The following NKAIN3 variants were observed in gnomAD, a reference collection of about 807,000 sequenced individuals.
NKAIN3 encodes the protein sodium/potassium transporting ATPase interacting 3.
In NKAIN3, 25 loss-of-function variants were observed where a neutral mutation model predicts 30.2. That is an observed-to-expected ratio of 0.83 (90% CI 0.60 to 1.16). The LOEUF (loss-of-function observed/expected upper bound fraction) is 1.16. Among genes scored for constraint, NKAIN3 ranks in the 50% most tolerant of loss-of-function variants. The probability of loss-of-function intolerance (pLI) is 0.00; values close to 1 mark genes in which losing one functional copy is unlikely to be tolerated. For missense variants in NKAIN3, 225 were observed against 254.1 expected (o/e 0.89, Z 0.78); for synonymous variants, 91 against 89.6 (o/e 1.02, Z -0.09).
intron 3 of NKAIN3, among the ~76,000 whole-genome samples, chr8:62,664,624 A>G (rs1290573342): frequency 6.6e-6 from 1 of 152,146 alleles, no homozygotes; most frequent in Non-Finnish European, 1.5e-5. Flanking sequence ...AGGCACTCTC[A>G]GTCTACTGTA....
intron 1 of NKAIN3, among the ~76,000 whole-genome samples, chr8:62,332,889 T>C (rs1585690487): frequency 6.6e-6 from 1 of 151,982 alleles, no homozygotes. Flanking sequence ...TAGCTAGGCA[T>C]TTTGGCATGG....
chr8:62,758,652 A>C (rs1408328831), intron 4 of NKAIN3, among the ~76,000 whole-genome samples: 1 of 152,208 alleles, frequency 6.6e-6, no homozygotes, highest in Admixed American at 6.6e-5. Flanking sequence ...ATGAGTTCAG[A>C]GCTGGGTTGA....
At chr8:62,497,955 T>A (rs1358204871) in intron 1 of NKAIN3, among the ~76,000 whole-genome samples, 2 of 152,100 alleles carry the variant, frequency 1.3e-5, no homozygotes, top group Non-Finnish European at 2.9e-5. Context: ...TGGCTAACCT[T>A]CATGGATTCA....
chr8:62,264,866 C>T (rs1159448193), intron 1 of NKAIN3, among the ~76,000 whole-genome samples: 1 of 152,150 alleles, frequency 6.6e-6, no homozygotes, highest in Non-Finnish European at 1.5e-5. Flanking sequence ...CACCATGAAT[C>T]TTTCTCACTA....
intron 1 of NKAIN3, among the ~76,000 whole-genome samples, chr8:62,320,388 G>C (rs1389531027): frequency 6.6e-6 from 1 of 152,036 alleles, no homozygotes; most frequent in African/African-American, 2.4e-5. Flanking sequence ...ATGTTAGCTG[G>C]TTATTTTGCT....
At chr8:62,717,737 T>G (rs1310813478) in intron 3 of NKAIN3, among the ~76,000 whole-genome samples, 1 of 152,212 alleles carries the variant, frequency 6.6e-6, no homozygotes, top group Admixed American at 6.5e-5. Flanking sequence ...CTTTTTAATT[T>G]ACTAGACAAT....
intron 4 of NKAIN3, among the ~76,000 whole-genome samples, chr8:62,881,334 A>G (rs188914599): frequency 2.0e-5 from 3 of 152,152 alleles, no homozygotes; most frequent in South Asian, 4.1e-4. Flanking sequence ...TTCTTTTACT[A>G]TACTCATATT....
chr8:62,703,360 AT>A (rs1006484268), intron 3 of NKAIN3, among the ~76,000 whole-genome samples: 2 of 152,118 alleles, frequency 1.3e-5, no homozygotes, highest in African/African-American at 4.8e-5. Context: ...TCAACAGAAC[AT>A]TTTAGCAAGA....
intron 5 of NKAIN3, among the ~76,000 whole-genome samples, chr8:62,924,370 C>T (rs1822374673): frequency 6.6e-6 from 1 of 152,212 alleles, no homozygotes. Flanking sequence ...TTTAACACAA[C>T]TGTAATTTTT....
chr8:62,325,926 T>A (rs1815105580), intron 1 of NKAIN3, among the ~76,000 whole-genome samples: 1 of 152,052 alleles, frequency 6.6e-6, no homozygotes, highest in African/African-American at 2.4e-5. Context: ...GATGCGTGGT[T>A]TGCAAAAATT....
chr8:62,276,794 T>C (rs1812978992), intron 1 of NKAIN3, among the ~76,000 whole-genome samples: 1 of 152,214 alleles, frequency 6.6e-6, no homozygotes, highest in Non-Finnish European at 1.5e-5. Context: ...AATACATTTT[T>C]TGGTAGGAAT....
chr8:62,705,291 T>G (rs1222184786), intron 3 of NKAIN3, among the ~76,000 whole-genome samples: 1 of 152,192 alleles, frequency 6.6e-6, no homozygotes, highest in Non-Finnish European at 1.5e-5. Context: ...CAGAGTTTAG[T>G]CTTTCATATT....
chr8:62,959,822 G>C (rs1404520029), intron 6 of NKAIN3, among the ~76,000 whole-genome samples: 4 of 152,158 alleles, frequency 2.6e-5, no homozygotes, highest in Non-Finnish European at 4.4e-5. Flanking sequence ...GACTTCATGA[G>C]GCGTTAACTT....
intron 5 of NKAIN3, among the ~76,000 whole-genome samples, chr8:62,947,490 T>C (rs1823158192): frequency 6.6e-6 from 1 of 152,234 alleles, no homozygotes; most frequent in Non-Finnish European, 1.5e-5. Context: ...TTAGCCATTG[T>C]AGAAGAATTT....
chr8:62,523,797 C>T (rs570646011), intron 1 of NKAIN3, among the ~76,000 whole-genome samples: 8 of 152,112 alleles, frequency 5.3e-5, no homozygotes, highest in East Asian at 1.9e-4. Context: ...GTGTGTATCG[C>T]GGGTACAGGT....
At chr8:62,318,017 G>C (rs1262537232) in intron 1 of NKAIN3, among the ~76,000 whole-genome samples, 1 of 152,114 alleles carries the variant, frequency 6.6e-6, no homozygotes, top group Non-Finnish European at 1.5e-5. Flanking sequence ...GGATTCCTAG[G>C]TATTTTATTC....
At chr8:62,850,408 C>G (rs543734608) in intron 4 of NKAIN3, among the ~76,000 whole-genome samples, 1 of 152,124 alleles carries the variant, frequency 6.6e-6, no homozygotes, top group Admixed American at 6.5e-5. Flanking sequence ...TGTAGGCTGC[C>G]TGTTCACTCT....
chr8:62,756,924 T>C (rs955030019), intron 4 of NKAIN3, among the ~76,000 whole-genome samples: 4 of 152,202 alleles, frequency 2.6e-5, no homozygotes, highest in Non-Finnish European at 5.9e-5. Context: ...TTGTGCATCT[T>C]CATAAATTAT....
At chr8:62,938,964 A>G (rs1487366835) in intron 5 of NKAIN3, among the ~76,000 whole-genome samples, 1 of 152,248 alleles carries the variant, frequency 6.6e-6, no homozygotes, top group African/African-American at 2.4e-5. Flanking sequence ...AAGAGGCATC[A>G]GAGAGAGGTG....
Sources: allele counts gnomAD v4.1 joint callset (sites outside exome capture counted in the v4.1 genomes callset), GRCh38; gene constraint gnomAD v4.1.1; transcripts MANE v1.5; gene names NCBI Gene and HGNC (gene_info 2026-07-23, HGNC 2026-07-21).